HDAC7: variants seen among roughly 807,000 people sequenced by gnomAD.
The protein encoded by HDAC7 is histone deacetylase 7A.
A neutral mutation model predicts 115.5 loss-of-function variants in HDAC7; 26 were observed. The ratio of observed to expected loss-of-function variants is 0.23; its 90% confidence interval spans 0.16 to 0.31. The LOEUF (loss-of-function observed/expected upper bound fraction) is 0.31, where lower values mean the gene tolerates loss of function less well. Ranked by LOEUF, HDAC7 falls within the 10% of genes least tolerant of loss-of-function variation. The pLI is 1.00. For missense variants in HDAC7, 1,068 were observed against 1,329.0 expected, an observed-to-expected ratio of 0.80 and a Z score of 3.05; for synonymous variants, 564 against 550.9, an observed-to-expected ratio of 1.02 and a Z score of -0.33.
In HDAC7 at chr12:47,795,078, C is replaced by T; in HGVS notation, c.1284+106G>A. On this transcript the variant is annotated intron_variant, in intron 11 of 25. Coordinates refer to ENST00000080059, the MANE Select transcript of HDAC7 (RefSeq NM_015401.5). This position sits in a 1 kb window ranked among gnomAD's most constrained non-coding sequence, Gnocchi z 4.3. ...GGGCCCCAAGAAGCCACATCCCCCT[C>T]TTTTGCCCTCCAGTTCCCTGCCCTT... 7.6e-7 allele frequency: 1 copy of T among 1,322,916 alleles called. No homozygotes were observed. Among genetic ancestry groups the T allele is most frequent in the Non-Finnish European group, 1.1e-6 (1 of 947,246 alleles). 81.9% of individuals were successfully genotyped at this position (1,322,916 alleles called of 1,614,324 possible). A position where few individuals can be genotyped will look rare whatever the true frequency, so the allele number is the denominator to read the frequency against.
At chr12:47,818,242 G>A (rs1944905819) in intron 1 of HDAC7, among the ~76,000 whole-genome samples, 1 of 152,150 alleles carries the variant, frequency 6.6e-6, no homozygotes, top group Non-Finnish European at 1.5e-5. Flanking sequence ...CATTCCAGGT[G>A]CAACATCAGG....
rs1943905634 is a variant in HDAC7 at position 47,797,283 on chromosome 12, C to G, written c.577+101G>C. On this transcript the variant is annotated intron_variant, in intron 6 of 25. Transcript: ENST00000080059. The surrounding 1 kb of genome is among the most constrained non-coding windows in gnomAD (Gnocchi z 5.5). The stretch of plus-strand genomic sequence containing the variant: ...AAGATCCTAGCCTACCGATGATCTC[C>G]TGGCCCAGCCCAGCCCGCCCACCCC... 1 of 1,523,996 alleles carries G rather than the reference C, an allele frequency of 6.6e-7. No homozygotes were observed. The highest frequency in any genetic ancestry group is 1.4e-5 in the African/African-American group (1 of 72,834). The allele number at this position is 1,523,996 out of a possible 1,614,324, so 94.4% of individuals were successfully genotyped here. A position where few individuals can be genotyped will look rare whatever the true frequency, so the allele number is the denominator to read the frequency against.
intron 1 of HDAC7, among the ~76,000 whole-genome samples, chr12:47,804,371 G>A (rs1944301097): frequency 6.6e-6 from 1 of 152,096 alleles, no homozygotes; most frequent in Non-Finnish European, 1.5e-5. Context: ...TTGTGTCCTA[G>A]AGAGAGGAAA....
chr12:47,807,772 T>G (rs781305999), intron 1 of HDAC7, among the ~76,000 whole-genome samples: 6 of 152,190 alleles, frequency 3.9e-5, no homozygotes, highest in Non-Finnish European at 7.3e-5. Flanking sequence ...TTGGAGCAAC[T>G]GTTGACTTTG....
Position 47,791,265 on chromosome 12 carries a change from C to G in HDAC7, c.1977G>C (p.Gly659=). The change falls in exon 16 of 26, where the codon GGG becomes GGC. Residue 659 remains glycine (G), a synonymous_variant. Transcript: ENST00000080059. The part of the protein sequence containing the change: ...QRMFVMLPCG[G]VGVDTDTIWN... ...GACCCCTGGGCACACTTACCCCAAC[C>G]CCACCACAGGGCAGCATCACAAACA... 6.2e-7 allele frequency: 1 copy of G among 1,601,016 alleles called. No homozygotes were observed. The highest frequency in any genetic ancestry group is 8.5e-7 in the Non-Finnish European group (1 of 1,174,074).
intron 1 of HDAC7, among the ~76,000 whole-genome samples, chr12:47,818,164 C>A (rs780334976): frequency 6.6e-6 from 1 of 152,162 alleles, no homozygotes; most frequent in Non-Finnish European, 1.5e-5. Flanking sequence ...CACTGTAAGA[C>A]CCGGTGGCCA....
chr12:47,809,351 C>T (rs1344029258), intron 1 of HDAC7, among the ~76,000 whole-genome samples: 1 of 152,166 alleles, frequency 6.6e-6, no homozygotes, highest in Non-Finnish European at 1.5e-5. Context: ...ATGTGCCTTC[C>T]TCACTCTTCT....
rs1200212632 is a variant in HDAC7, at chr12:47,787,818, C to T, written c.2356-9G>A. ...CCGCTGCCAGCCCCTACCTGGAAAA[C>T]AGGAGGCAAGAGAGACATGAGGACA... is the stretch of plus-strand genomic sequence containing the variant. On this transcript the variant is annotated splice_polypyrimidine_tract_variant and intron_variant, in intron 20 of 25. Coordinates refer to ENST00000080059, the MANE Select transcript of HDAC7 (RefSeq NM_015401.5). 6.2e-6 allele frequency: 10 copies of T among 1,609,698 alleles called. No individual in the cohort carries two copies. The highest frequency in any genetic ancestry group is 8.5e-6 in the Non-Finnish European group (10 of 1,177,876).
At chr12:47,812,758 A>G (rs1408956666) in intron 1 of HDAC7, among the ~76,000 whole-genome samples, 1 of 152,226 alleles carries the variant, frequency 6.6e-6, no homozygotes, top group Non-Finnish European at 1.5e-5. Flanking sequence ...ACTTGAAACT[A>G]GGAAATCGAG....
chr12:47,795,246 G>C lies in HDAC7; in HGVS notation c.1222C>G (p.Pro408Ala). 1 of 1,612,474 alleles carries C rather than the reference G, an allele frequency of 6.2e-7. No individual in the cohort carries two copies. Among genetic ancestry groups the C allele is most frequent in the Non-Finnish European group, 8.5e-7 (1 of 1,178,994 alleles). ...CGGGGCTGCATGGGGCCCGGCGGTGGGGGAGCGGTGGCACTGGGGGGCAGG... is the reference window on the plus strand; with the variant it reads ...CGGGGCTGCATGGGGCCCGGCGGTGCGGGAGCGGTGGCACTGGGGGGCAGG... Reference protein sequence around the residue: ...EPLPPSATAPPPPGPMQPRLE... With the variant: ...EPLPPSATAPAPPGPMQPRLE... Residue 408 changes from proline (P) to alanine (A), a missense_variant, in exon 11 of 26, where the codon CCA becomes GCA. By Grantham distance (27) the Pro-to-Ala change is conservative (BLOSUM62 -1). Coordinates refer to ENST00000080059, the MANE Select transcript of HDAC7 (RefSeq NM_015401.5). The surrounding 1 kb of genome is among the most constrained non-coding windows in gnomAD (Gnocchi z 4.3).
chr12:47,799,754 G>T (rs2136995579), intron 2 of HDAC7, among the ~76,000 whole-genome samples: 1 of 152,342 alleles, frequency 6.6e-6, no homozygotes, highest in Non-Finnish European at 1.5e-5. Context: ...GGGTGCAGGG[G>T]CTATTTATAA....
At chr12:47,785,064 C>T (rs1168532537) in intron 24 of HDAC7, 1 of 556,224 alleles carries the variant, frequency 1.8e-6, no homozygotes, top group Non-Finnish European at 3.2e-6. Context: ...GGGATGGGAA[C>T]CAGGCCTTTT....
At position 47,783,601 on chromosome 12, in the gene HDAC7, G is replaced by C. The variant is rs983148181; in HGVS notation, c.*240C>G. 7 of 556,636 alleles carry C rather than the reference G, an allele frequency of 1.3e-5. No individual in the cohort carries two copies. The highest frequency in any genetic ancestry group is 1.9e-5 in the Non-Finnish European group (6 of 308,778). The allele number at this position is 556,636 out of a possible 1,614,324, so 34.5% of individuals were successfully genotyped here. The stretch of plus-strand genomic sequence containing the variant: ...ATACTGGAGGGGAGAATCTGTTCTC[G>C]AGAGCCCTGTGGGGGTCGCCGCCCA... On this transcript the variant is annotated 3_prime_UTR_variant, in exon 26 of 26. Coordinates refer to ENST00000080059, the MANE Select transcript of HDAC7 (RefSeq NM_015401.5).
Position 47,791,647 on chromosome 12 carries a change from G to C in HDAC7, c.1872C>G (p.His624Gln). The change falls in exon 15 of 26, where the codon CAC (histidine) becomes CAG (glutamine). Residue 624 changes from histidine to glutamine, a missense_variant. Around this residue, in one of 6 missense-constraint regions of HDAC7, gnomAD observed 618 missense variants for 701.5 expected, o/e 0.88. Coordinates refer to ENST00000080059, the MANE Select transcript of HDAC7 (RefSeq NM_015401.5). ...GCGGGTTGGTGCCGTAGAGGAGCAC[G>C]TGCCGCTCAGAGTGGACCGACTGCA... ...EELQSVHSER[H>Q]VLLYGTNPLS... The C allele has an allele frequency of 6.2e-7, 1 of 1,613,238 alleles. No individual in the cohort carries two copies. The highest frequency in any genetic ancestry group is 8.5e-7 in the Non-Finnish European group (1 of 1,179,786).
chr12:47,787,751 T>G lies in HDAC7; in HGVS notation c.2414A>C (p.Asp805Ala), dbSNP rs774974167. 1.1e-5 allele frequency: 18 copies of G among 1,610,930 alleles called. No individual in the cohort carries two copies. In the South Asian group the frequency reaches 1.8e-4, roughly 16 times the overall value. Residue 805 changes from aspartate (D) to alanine (A), a missense_variant, in exon 21 of 26, where the codon GAC becomes GCC. Physicochemically the swap from Asp to Ala is moderately radical, Grantham distance 126 (BLOSUM62 -2). Coordinates refer to ENST00000080059, the MANE Select transcript of HDAC7 (RefSeq NM_015401.5). ...NVNVAWAGGL[D>A]PPMGDPEYLA... ...GTACTCAGGATCCCCCATGGGGGGG[T>G]CCAGACCTCCAGCCCAGGCCACATT...
chr12:47,785,968 T>C lies in HDAC7; in HGVS notation c.2573-83A>G, dbSNP rs1943153275. 2.2e-6 allele frequency: 3 copies of C among 1,342,036 alleles called. No homozygotes were observed. The East Asian group carries it at 7.3e-5, about 33-fold the overall frequency. The allele number at this position is 1,342,036 out of a possible 1,614,324, so 83.1% of individuals were successfully genotyped here. A position where few individuals can be genotyped will look rare whatever the true frequency, so the allele number is the denominator to read the frequency against. On this transcript the variant is annotated intron_variant, in intron 22 of 25. Coordinates refer to ENST00000080059, the MANE Select transcript of HDAC7 (RefSeq NM_015401.5). ...CTACCCCTGTGGCTTCCCTGCTTGCTTCCTCCCTAATAAAGAATGACTCAC... is the reference window on the plus strand; with the variant it reads ...CTACCCCTGTGGCTTCCCTGCTTGCCTCCTCCCTAATAAAGAATGACTCAC...
In HDAC7 at chr12:47,793,414, G is replaced by C; in HGVS notation, c.1633C>G (p.Leu545Val). The change falls in exon 13 of 26, where the codon CTC becomes GTC. Residue 545 changes from leucine (L) to valine (V), a missense_variant. Leu to Val is a conservative substitution (Grantham distance 32). Around this residue, in one of 6 missense-constraint regions of HDAC7, gnomAD observed 618 missense variants for 701.5 expected, o/e 0.88. Transcript: ENST00000080059. This position sits in a 1 kb window ranked among gnomAD's most constrained non-coding sequence, Gnocchi z 4.5. ...APEPASQARV[L>V]SSSETPARTL... ...CTGGCAGGGGTCTCTGAGCTGGAGA[G>C]GACTCGGGCCTGGCTGGCAGGCTCT... The C allele has an allele frequency of 6.4e-7, 1 of 1,561,744 alleles. No individual in the cohort carries two copies. Among genetic ancestry groups the C allele is most frequent in the South Asian group, 1.2e-5 (1 of 85,024 alleles).
At position 47,787,641 on chromosome 12, in the gene HDAC7, C is replaced by A. The variant is rs574262808; in HGVS notation, c.2453+71G>T. On this transcript the variant is annotated intron_variant, in intron 21 of 25. Coordinates refer to ENST00000080059, the MANE Select transcript of HDAC7 (RefSeq NM_015401.5). ...AGGCTGACAATCCAACTGATCACCT[C>A]CCCCCTGGTGCTCTTGGGAGAAGGG... The A allele has an allele frequency of 1.1e-5, 12 of 1,056,286 alleles. No homozygotes were observed. The East Asian group carries it at 1.8e-4, about 16-fold the overall frequency. The allele number at this position is 1,056,286 out of a possible 1,614,324, so 65.4% of individuals were successfully genotyped here.
intron 1 of HDAC7, among the ~76,000 whole-genome samples, chr12:47,807,847 T>A (rs952975714): frequency 6.6e-6 from 1 of 152,216 alleles, no homozygotes; most frequent in East Asian, 1.9e-4. Flanking sequence ...GGTTGGGGTC[T>A]TAGAGGACCC....
Sources: allele counts gnomAD v4.1 joint callset (sites outside exome capture counted in the v4.1 genomes callset), GRCh38; gene constraint gnomAD v4.1.1; regional missense constraint gnomAD v4.1.1; non-coding constraint Gnocchi (gnomAD v3.1); transcripts MANE v1.5; gene names NCBI Gene and HGNC (gene_info 2026-07-23, HGNC 2026-07-21).